TM2D1: variants seen among roughly 807,000 people sequenced by gnomAD.
TM2D1 encodes TM2 domain containing 1.
In TM2D1, 15 loss-of-function variants were observed where a neutral mutation model predicts 28.4. The observed-to-expected ratio is 0.53, with a 90% CI of 0.35 to 0.81. TM2D1 has a LOEUF of 0.81. Ranked by LOEUF, TM2D1 falls within the 40% of genes least tolerant of loss-of-function variation. The pLI is 0.01. For synonymous variants in TM2D1, 93 were observed against 96.2 expected (o/e 0.97, Z 0.20); for missense variants, 236 against 254.9 (o/e 0.93, Z 0.50).
chr1:61,701,956 C>T (rs111685342), intron 3 of TM2D1, among the ~76,000 whole-genome samples: 8,534 of 151,926 alleles, frequency 0.056, 731 homozygotes, highest in African/African-American at 0.18. Context: ...TTTGGGAGGC[C>T]GAGGCAGGTG....
At chr1:61,702,052 T>TGGTGG (rs1210807397) in intron 3 of TM2D1, among the ~76,000 whole-genome samples, 1 of 151,966 alleles carries the variant, frequency 6.6e-6, no homozygotes, top group Non-Finnish European at 1.5e-5. Context: ...TAGCTGGACG[T>TGGTGG]GGTGGCAGGC....
At chr1:61,709,625 T>C (rs929016014) in intron 2 of TM2D1, among the ~76,000 whole-genome samples, 188 bp from the exon 3 acceptor site, 3 of 152,180 alleles carry the variant, frequency 2.0e-5, no homozygotes, top group Admixed American at 6.6e-5. Context: ...TAAAATTGTA[T>C]AGTAGTCTCT....
intron 4 of TM2D1, among the ~76,000 whole-genome samples, chr1:61,700,724 A>C (rs887987168): frequency 7.9e-5 from 12 of 152,208 alleles, no homozygotes; most frequent in Non-Finnish European, 1.5e-4. Context: ...TGTTTTCATA[A>C]AGGTGAAAAC....
chr1:61,707,924 A>C (rs1644452384), intron 3 of TM2D1, among the ~76,000 whole-genome samples: 1 of 152,236 alleles, frequency 6.6e-6, no homozygotes, highest in African/African-American at 2.4e-5. Context: ...AACAATATAC[A>C]GTTTTAGGCT....
chr1:61,694,800 C>G (rs369289420), intron 4 of TM2D1, 30 bp from the exon 5 acceptor site: 411 of 1,466,304 alleles, frequency 2.8e-4, no homozygotes, highest in Non-Finnish European at 3.6e-4. Flanking sequence ...CATTTATAAT[C>G]TGGAAGGTCT....
intron 2 of TM2D1, among the ~76,000 whole-genome samples, chr1:61,722,889 T>C (rs1368187675): frequency 6.6e-6 from 1 of 152,174 alleles, no homozygotes. Flanking sequence ...TCTCACTTCA[T>C]ACTGGGAAGC....
chr1:61,684,411 C>T (rs1276070282), intron 5 of TM2D1, among the ~76,000 whole-genome samples: 5 of 152,114 alleles, frequency 3.3e-5, no homozygotes, highest in Non-Finnish European at 5.9e-5. Flanking sequence ...GTCATTTCTC[C>T]CACTTGTTAA....
chr1:61,710,292 G>A (rs2148057712), intron 2 of TM2D1, among the ~76,000 whole-genome samples: 1 of 151,616 alleles, frequency 6.6e-6, no homozygotes, highest in Non-Finnish European at 1.5e-5. Context: ...CAGGCATGGT[G>A]GCTTGTGCCT....
At chr1:61,695,932 T>C (rs1644360032) in intron 4 of TM2D1, 1 of 152,212 alleles carries the variant, frequency 6.6e-6, no homozygotes. Flanking sequence ...CTTTTATCTG[T>C]TTTCTTTACT....
chr1:61,701,131 T>C (rs923315657), intron 3 of TM2D1, 106 bp from the exon 4 acceptor site: 2 of 811,446 alleles, frequency 2.5e-6, no homozygotes, highest in African/African-American at 1.7e-5. Flanking sequence ...ACTCAGTTAA[T>C]GTTTTTTAGA....
At chr1:61,712,703 A>G (rs1644487579) in intron 2 of TM2D1, among the ~76,000 whole-genome samples, 1 of 152,076 alleles carries the variant, frequency 6.6e-6, no homozygotes, top group African/African-American at 2.4e-5. Context: ...GAGCCACCGT[A>G]CCCAGCCTCC....
chr1:61,715,885 TC>T (rs751321072), intron 2 of TM2D1, among the ~76,000 whole-genome samples: 1 of 150,580 alleles, frequency 6.6e-6, no homozygotes, highest in Admixed American at 6.6e-5. Flanking sequence ...CACTGCAAGC[TC>T]CACCTCCCAG....
intron 2 of TM2D1, among the ~76,000 whole-genome samples, chr1:61,715,384 G>A (rs1225719581): frequency 6.6e-6 from 1 of 151,858 alleles, no homozygotes; most frequent in Non-Finnish European, 1.5e-5. Flanking sequence ...AAGCATACAG[G>A]CTGGGCATGG....
At chr1:61,722,494 G>A (rs949788350) in intron 2 of TM2D1, among the ~76,000 whole-genome samples, 24 of 151,888 alleles carry the variant, frequency 1.6e-4, no homozygotes, top group African/African-American at 5.3e-4. Context: ...TCAGCCTCCC[G>A]AGTAGCTGGG....
At chr1:61,719,855 C>T (rs546993964) in intron 2 of TM2D1, among the ~76,000 whole-genome samples, 10 of 152,192 alleles carry the variant, frequency 6.6e-5, no homozygotes, top group East Asian at 1.9e-4. Context: ...TTGAAACTAT[C>T]GCCAAATAAA....
In TM2D1 at chr1:61,716,489, GTATATAATTA is replaced by G. The variant is rs1570126882; in HGVS notation, c.239-7062_239-7053del. 1.4e-4 allele frequency among the ~76,000 whole-genome samples: 19 copies of G among 131,570 alleles called. No individual in the cohort carries two copies. The East Asian group carries it at 3.5e-3, about 24-fold the overall frequency. The allele number at this position is 131,570 out of a possible 152,430, so 86.3% of individuals were successfully genotyped here. On this transcript the variant is annotated intron_variant, in intron 2 of 6. Coordinates refer to ENST00000606498, the MANE Select transcript of TM2D1 (RefSeq NM_032027.3). ...TATAATTATATATAATTTTATATACGTATATAATTATATATAATTTTATATATGTATATAA... is the reference window on the plus strand; with the variant it reads ...TATAATTATATATAATTTTATATACGTATATAATTTTATATATGTATATAA...
chr1:61,690,895 G>A (rs1410124137), intron 5 of TM2D1, among the ~76,000 whole-genome samples: 1 of 151,980 alleles, frequency 6.6e-6, no homozygotes, highest in Non-Finnish European at 1.5e-5. Flanking sequence ...ATTCATAAAT[G>A]TTTCAGACAT....
chr1:61,707,212 G>C (rs1427621967), intron 3 of TM2D1, among the ~76,000 whole-genome samples: 1 of 151,804 alleles, frequency 6.6e-6, no homozygotes, highest in Non-Finnish European at 1.5e-5. Context: ...ACATGATTGT[G>C]ACGCTGCACT....
intron 1 of TM2D1, 61 bp downstream of exon 1, chr1:61,724,896 A>AC: frequency 6.6e-7 from 1 of 1,510,906 alleles, no homozygotes; most frequent in Non-Finnish European, 8.9e-7. Flanking sequence ...GACGGCAGCG[A>AC]CCCACCTGCG....
Sources: gnomAD v4.1 joint callset for allele counts (sites outside exome capture counted in the v4.1 genomes callset) on GRCh38, gnomAD v4.1.1 for gene constraint, MANE v1.5 for transcripts, NCBI Gene and HGNC (gene_info 2026-07-23, HGNC 2026-07-21) for gene names.